CDC20B: variants seen among roughly 807,000 people sequenced by gnomAD.
CDC20B encodes cell division cycle protein 20 homolog B.
In CDC20B, 58 loss-of-function variants were observed where a neutral mutation model predicts 64.1. The observed-to-expected ratio is 0.90, with a 90% confidence interval of 0.73 to 1.13. The LOEUF (loss-of-function observed/expected upper bound fraction) is 1.13, where lower values mean the gene tolerates loss of function less well. Ranked by LOEUF, CDC20B falls within the 50% of genes most tolerant of loss-of-function variation. CDC20B has a pLI of 0.00. For missense variants in CDC20B, 597 were observed against 633.0 expected, an observed-to-expected ratio of 0.94 and a Z score of 0.61; for synonymous variants, 243 against 230.6, an observed-to-expected ratio of 1.05 and a Z score of -0.49.
intron 2 of CDC20B, among the ~76,000 whole-genome samples, chr5:55,149,474 TA>T (rs1743598572): frequency 6.6e-6 from 1 of 152,164 alleles, no homozygotes; most frequent in African/African-American, 2.4e-5. Flanking sequence ...GATGAATGCA[TA>T]AACAAATCAT....
chr5:55,172,923 A>G lies in CDC20B; in HGVS notation c.63+15T>C, dbSNP rs1744672434. ...TTAGAGAGTTAGGGAGAATGCAGAA[A>G]AGGGTGTTACTCACCCACAGCATCT... is the stretch of plus-strand genomic sequence containing the variant. On this transcript the variant is annotated intron_variant, in intron 1 of 11. Transcript: ENST00000381375. 20 of 1,593,184 alleles carry G rather than the reference A, an allele frequency of 1.3e-5. No individual in the cohort carries two copies. The highest frequency in any genetic ancestry group is 1.7e-5 in the Non-Finnish European group (20 of 1,168,676).
intron 2 of CDC20B, among the ~76,000 whole-genome samples, chr5:55,158,473 G>A (rs1175566730): frequency 6.6e-6 from 1 of 152,162 alleles, no homozygotes; most frequent in Non-Finnish European, 1.5e-5. Context: ...CATGAGAGTA[G>A]GAGTCGAGCG....
intron 2 of CDC20B, 131 bp from the exon 3 acceptor site, chr5:55,146,987 AT>A (rs543041580): frequency 1.9e-5 from 8 of 414,246 alleles, no homozygotes; most frequent in African/African-American, 1.2e-4. Flanking sequence ...GATTTTTTTA[AT>A]TTTTGTAACC....
At chr5:55,119,460 C>T (rs560724987) in intron 11 of CDC20B, among the ~76,000 whole-genome samples, 1 of 152,018 alleles carries the variant, frequency 6.6e-6, no homozygotes, top group Non-Finnish European at 1.5e-5. Context: ...CCTTTCAGAT[C>T]GCTTTATCTT....
intron 2 of CDC20B, among the ~76,000 whole-genome samples, chr5:55,148,368 T>A (rs1224946287): frequency 6.6e-6 from 1 of 152,180 alleles, no homozygotes; most frequent in African/African-American, 2.4e-5. Flanking sequence ...TCAAAAGCCT[T>A]CATATATGTG....
At position 55,114,158 on chromosome 5, in the gene CDC20B, T is replaced by C; in HGVS notation, c.*60A>G. On this transcript the variant is annotated 3_prime_UTR_variant, in exon 12 of 12. Coordinates refer to ENST00000381375, the MANE Select transcript of CDC20B (RefSeq NM_001170402.1). This position sits in a 1 kb window ranked among gnomAD's most constrained non-coding sequence, Gnocchi z 4.1. ...TCATAAAAACCCCATGGAGAAGACA[T>C]AGCCAACATCATCATCTTCACTCAG... 6.4e-7 allele frequency: 1 copy of C among 1,567,748 alleles called. No individual in the cohort carries two copies. Among genetic ancestry groups the C allele is most frequent in the Non-Finnish European group, 8.6e-7 (1 of 1,156,824 alleles).
chr5:55,140,261 G>C (rs1232386218), intron 5 of CDC20B, 53 bp downstream of exon 5: 6 of 983,634 alleles, frequency 6.1e-6, no homozygotes, highest in Non-Finnish European at 9.1e-6. Context: ...AAGAAATGAA[G>C]GAGGCAGAGA....
At chr5:55,168,644 T>C (rs1744492158) in intron 2 of CDC20B, among the ~76,000 whole-genome samples, 1 of 152,144 alleles carries the variant, frequency 6.6e-6, no homozygotes, top group Admixed American at 6.5e-5. Context: ...GTTTATTGAA[T>C]ATAAAGTTGG....
chr5:55,149,589 T>A (rs979172642), intron 2 of CDC20B, among the ~76,000 whole-genome samples: 3 of 152,160 alleles, frequency 2.0e-5, no homozygotes, highest in Non-Finnish European at 4.4e-5. Context: ...TTATGCTAAG[T>A]GAAAGAAGCC....
At position 55,154,449 on chromosome 5, in the gene CDC20B, C is replaced by T. The variant is rs534095347; in HGVS notation, c.127-7593G>A. 3.4e-4 allele frequency among the ~76,000 whole-genome samples: 51 copies of T among 152,012 alleles called. 3 individuals carry two copies. In the South Asian group the frequency reaches 0.01, roughly 30 times the overall value. On this transcript the variant is annotated intron_variant, in intron 2 of 11. Coordinates refer to ENST00000381375, the MANE Select transcript of CDC20B (RefSeq NM_001170402.1). ...GGAGGATTGCTTGATCCTGGGAGGT[C>T]GACGCTGCAGTGAGCCATGATCATG...
chr5:55,126,363 G>C (rs1428038339), intron 8 of CDC20B: 2 of 183,102 alleles, frequency 1.1e-5, no homozygotes, highest in Admixed American at 1.2e-4. Context: ...CCCAGGCATG[G>C]TGGTGGGCGC....
chr5:55,124,623 A>T (rs1007072498), intron 9 of CDC20B, among the ~76,000 whole-genome samples, 180 bp downstream of exon 9: 1 of 152,244 alleles, frequency 6.6e-6, no homozygotes, highest in Non-Finnish European at 1.5e-5. Context: ...CAACTAAAAA[A>T]TCTGACCAGT....
At chr5:55,128,753 G>T in intron 6 of CDC20B, 136 bp from the exon 7 acceptor site, 1 of 605,240 alleles carries the variant, frequency 1.7e-6, no homozygotes, top group Non-Finnish European at 2.6e-6. Context: ...ATGGAACCAT[G>T]AAAATCCTTA....
chr5:55,160,481 A>G, intron 2 of CDC20B: 2 of 1,037,394 alleles, frequency 1.9e-6, no homozygotes, highest in South Asian at 3.0e-5. Flanking sequence ...TTTTGCTGTT[A>G]CATGGTCATA....
At chr5:55,147,284 CATAAATATGTTATGTTTT>C (rs1743520154) in intron 2 of CDC20B, among the ~76,000 whole-genome samples, 4 of 125,068 alleles carry the variant, frequency 3.2e-5, no homozygotes, top group South Asian at 5.3e-4. Flanking sequence ...ATTATATAAA[CATAAATATGTTATGTTTT>C]ATATATTTAT....
At chr5:55,170,382 T>C (rs7727157) in intron 2 of CDC20B, 5,516 of 340,422 alleles carry the variant, frequency 0.016, 273 homozygotes, top group African/African-American at 0.11. Context: ...TGTAATACTT[T>C]CCTTACCATT....
At chr5:55,128,044 G>GA (rs1415752433) in intron 7 of CDC20B, among the ~76,000 whole-genome samples, 9 of 151,000 alleles carry the variant, frequency 6.0e-5, no homozygotes, top group Non-Finnish European at 1.0e-4. Flanking sequence ...GAGCCTATCA[G>GA]AAAAAAAAAT....
At chr5:55,127,394 CA>C in intron 7 of CDC20B, 43 bp from the exon 8 acceptor site, 1 of 1,497,732 alleles carries the variant, frequency 6.7e-7, no homozygotes, top group Non-Finnish European at 9.3e-7. Flanking sequence ...TTGGAGTTTT[CA>C]CAGCCCACTG....
intron 4 of CDC20B, among the ~76,000 whole-genome samples, chr5:55,142,006 A>G (rs553967850): frequency 6.6e-5 from 10 of 152,338 alleles, no homozygotes; most frequent in Admixed American, 2.0e-4. Context: ...CCTGCTCATC[A>G]GTAGTTCAAT....
Sources: allele counts gnomAD v4.1 joint callset (sites outside exome capture counted in the v4.1 genomes callset), GRCh38; gene constraint gnomAD v4.1.1; non-coding constraint Gnocchi (gnomAD v3.1); transcripts MANE v1.5; gene names NCBI Gene and HGNC (gene_info 2026-07-23, HGNC 2026-07-21).